Variants in RNGTT observed in about 807,000 individuals in gnomAD.
RNGTT encodes mRNA-capping enzyme.
A neutral mutation model predicts 79.3 loss-of-function variants in RNGTT; 33 were observed. The ratio of observed to expected loss-of-function variants is 0.42; its 90% CI spans 0.32 to 0.56. The LOEUF is 0.56. Ranked by LOEUF, RNGTT falls within the 20% of genes least tolerant of loss-of-function variation. RNGTT has a pLI of 0.17. For missense variants in RNGTT, 497 were observed against 739.1 expected, an observed-to-expected ratio of 0.67 and a Z score of 3.80; for synonymous variants, 222 against 235.9, an observed-to-expected ratio of 0.94 and a Z score of 0.54.
intron 8 of RNGTT, among the ~76,000 whole-genome samples, chr6:88,887,116 G>C (rs1782889990): frequency 6.7e-6 from 1 of 150,146 alleles, no homozygotes. Flanking sequence ...CCTTGGTCAG[G>C]CTAATGCAAA....
chr6:88,706,713 T>C (rs963032752), intron 13 of RNGTT, among the ~76,000 whole-genome samples: 1 of 152,158 alleles, frequency 6.6e-6, no homozygotes, highest in Non-Finnish European at 1.5e-5. Context: ...GTGAAACAAC[T>C]TTCTATGTCT....
chr6:88,677,285 G>GAAA (rs35139705), intron 14 of RNGTT, among the ~76,000 whole-genome samples: 1 of 109,222 alleles, frequency 9.2e-6, no homozygotes, highest in African/African-American at 3.3e-5. Context: ...TGGAGACCAG[G>GAAA]AAAAAAAAAA....
intron 13 of RNGTT, among the ~76,000 whole-genome samples, chr6:88,696,125 A>G (rs926873477): frequency 5.9e-5 from 9 of 152,206 alleles, no homozygotes; most frequent in Non-Finnish European, 1.0e-4. Flanking sequence ...CTACACTTCA[A>G]AATTGCTAAG....
chr6:88,792,506 T>C (rs1301559194), intron 12 of RNGTT, among the ~76,000 whole-genome samples: 1 of 152,228 alleles, frequency 6.6e-6, no homozygotes, highest in African/African-American at 2.4e-5. Flanking sequence ...TGAGTAAGAA[T>C]TATTAGAAAA....
intron 13 of RNGTT, among the ~76,000 whole-genome samples, chr6:88,702,249 T>C (rs941570552): frequency 2.0e-5 from 3 of 152,106 alleles, no homozygotes; most frequent in Non-Finnish European, 4.4e-5. Context: ...AGAACCTGAA[T>C]AGCTAAAGCA....
At chr6:88,830,583 G>T (rs1780825521) in intron 11 of RNGTT, among the ~76,000 whole-genome samples, 1 of 150,934 alleles carries the variant, frequency 6.6e-6, no homozygotes, top group African/African-American at 2.4e-5. Context: ...GACCAGAGCA[G>T]AACTGAAGGA....
At chr6:88,843,339 G>A (rs1781366044) in intron 11 of RNGTT, among the ~76,000 whole-genome samples, 1 of 151,842 alleles carries the variant, frequency 6.6e-6, no homozygotes, top group African/African-American at 2.4e-5. Flanking sequence ...AAACAGTGTT[G>A]GTAATAGCAA....
At chr6:88,935,069 C>A (rs913097614) in intron 2 of RNGTT, among the ~76,000 whole-genome samples, 1 of 152,176 alleles carries the variant, frequency 6.6e-6, no homozygotes, top group Non-Finnish European at 1.5e-5. Context: ...TCAGGTCTTA[C>A]ATTTAAAGTC....
intron 11 of RNGTT, among the ~76,000 whole-genome samples, chr6:88,843,626 T>A (rs1487572655): frequency 7.5e-6 from 1 of 134,180 alleles, no homozygotes; most frequent in Non-Finnish European, 1.6e-5. Flanking sequence ...TGGCGCAATC[T>A]CGGCTCACTG....
In RNGTT at chr6:88,877,598, A is replaced by G. The variant is rs9451098; in HGVS notation, c.896+12897T>C. On this transcript the variant is annotated intron_variant, in intron 8 of 15. Transcript: ENST00000369485. ...AGACGCCACACCAGAATGCAACCCC[A>G]TATGCTTTCCTCAATTTGCAGCAAC... Among the ~76,000 whole-genome samples, 1,182 of 152,296 alleles carry G rather than the reference A, an allele frequency of 7.8e-3. 9 individuals carry two copies. Among genetic ancestry groups the G allele is most frequent in the African/African-American group, 0.026 (1,093 of 41,560 alleles).
At chr6:88,851,012 A>C (rs1159313531) in intron 9 of RNGTT, among the ~76,000 whole-genome samples, 1 of 151,970 alleles carries the variant, frequency 6.6e-6, no homozygotes, top group African/African-American at 2.4e-5. Context: ...GAAATCTTTC[A>C]TATAAGGCTC....
intron 14 of RNGTT, among the ~76,000 whole-genome samples, chr6:88,644,554 G>A (rs1773461938): frequency 6.6e-6 from 1 of 152,034 alleles, no homozygotes. Context: ...AACAAAAAAA[G>A]AGAATTTTAG....
intron 13 of RNGTT, among the ~76,000 whole-genome samples, chr6:88,680,172 C>A (rs185021274): frequency 2.6e-4 from 39 of 152,270 alleles, no homozygotes; most frequent in Non-Finnish European, 5.0e-4. Flanking sequence ...ATTATCGTAA[C>A]CATCTCTTTT....
At chr6:88,692,679 TG>T (rs1281717315) in intron 13 of RNGTT, among the ~76,000 whole-genome samples, 1 of 152,036 alleles carries the variant, frequency 6.6e-6, no homozygotes, top group Non-Finnish European at 1.5e-5. Flanking sequence ...AGGAAAATTT[TG>T]GGGGTGATGG....
In RNGTT at chr6:88,900,784, C is replaced by T. The variant is rs1280708752; in HGVS notation, c.684+3931G>A. Among the ~76,000 whole-genome samples the T allele has an allele frequency of 3.5e-5, 5 of 144,600 alleles. No individual in the cohort carries two copies. The East Asian group carries it at 7.9e-4, about 23-fold the overall frequency. The allele number at this position is 144,600 out of a possible 152,430, so 94.9% of individuals were successfully genotyped here. A position where few individuals can be genotyped will look rare whatever the true frequency, so the allele number is the denominator to read the frequency against. ...AAAAAAAAACAAGAAAATATCCAAA[C>T]TAAAAAAATAAACAAAAAGATAAAG... On this transcript the variant is annotated intron_variant, in intron 6 of 15. Transcript: ENST00000369485.
intron 2 of RNGTT, among the ~76,000 whole-genome samples, chr6:88,937,301 C>T (rs1310562925): frequency 6.6e-6 from 1 of 151,790 alleles, no homozygotes; most frequent in African/African-American, 2.4e-5. Flanking sequence ...ACTGAGATCC[C>T]ACCATTGCAC....
chr6:88,693,991 A>G (rs1775571215), intron 13 of RNGTT, among the ~76,000 whole-genome samples: 1 of 152,192 alleles, frequency 6.6e-6, no homozygotes, highest in Non-Finnish European at 1.5e-5. Context: ...AACAGATAAC[A>G]TTATATTCAA....
intron 13 of RNGTT, among the ~76,000 whole-genome samples, chr6:88,705,617 A>C (rs1056077787): frequency 2.6e-5 from 4 of 152,136 alleles, no homozygotes; most frequent in Non-Finnish European, 4.4e-5. Context: ...TTCAAGAAAA[A>C]GAAACCAGAG....
intron 12 of RNGTT, among the ~76,000 whole-genome samples, chr6:88,774,657 C>T (rs893066868): frequency 6.6e-6 from 1 of 152,078 alleles, no homozygotes; most frequent in African/African-American, 2.4e-5. Flanking sequence ...AGTTTTGATA[C>T]GTGCTGCCAA....
Sources: gnomAD v4.1 joint callset for allele counts (sites outside exome capture counted in the v4.1 genomes callset) on GRCh38, gnomAD v4.1.1 for gene constraint, MANE v1.5 for transcripts, NCBI Gene and HGNC (gene_info 2026-07-23, HGNC 2026-07-21) for gene names.